GABRA3: variants seen among roughly 807,000 people sequenced by gnomAD.
GABRA3 encodes the protein gamma-aminobutyric acid receptor subunit alpha-3.
GABRA3 carries 10 observed loss-of-function variants against 30.1 expected under a neutral mutation model. The observed-to-expected ratio is 0.33, with a 90% CI of 0.20 to 0.56. The LOEUF (loss-of-function observed/expected upper bound fraction) is 0.56, where lower values mean the gene tolerates loss of function less well. GABRA3 is among the 20% of genes least tolerant of loss of function. The pLI, the probability that GABRA3 is intolerant of heterozygous loss-of-function variation, is 0.89. For missense variants in GABRA3, 233 were observed against 392.0 expected, an observed-to-expected ratio of 0.59 and a Z score of 3.42; for synonymous variants, 151 against 146.8, an observed-to-expected ratio of 1.03 and a Z score of -0.21.
intron 1 of GABRA3, among the ~76,000 whole-genome samples, chrX:152,427,157 T>C (rs759820534): frequency 1.5e-4 from 17 of 111,653 alleles, no homozygotes; most frequent in Non-Finnish European, 2.8e-4. Flanking sequence ...ATAGCTACTT[T>C]TGACTTCTTT....
intron 5 of GABRA3, among the ~76,000 whole-genome samples, chrX:152,250,892 G>A (rs1769459040): frequency 9.0e-6 from 1 of 110,989 alleles, no homozygotes; most frequent in Admixed American, 9.6e-5. Flanking sequence ...AACACTTTCT[G>A]AAAAATTCTA....
chrX:152,239,682 A>T lies in GABRA3; in HGVS notation c.552-14837T>A, dbSNP rs1233054242. ...GCTTTATGAATCTGGGTGCTCCTGT[A>T]TTGGGTGCATATATATTTAGGATAG... On this transcript the variant is annotated intron_variant, in intron 5 of 9. Coordinates refer to ENST00000370314, the MANE Select transcript of GABRA3 (RefSeq NM_000808.4). 8.5e-5 allele frequency among the ~76,000 whole-genome samples: 8 copies of T among 94,010 alleles called. No individual in the cohort carries two copies. The Admixed American group carries it at 9.5e-4, about 11-fold the overall frequency. The allele number at this position is 94,010 out of a possible 115,157, so 81.6% of individuals were successfully genotyped here. A position where few individuals can be genotyped will look rare whatever the true frequency, so the allele number is the denominator to read the frequency against.
intron 6 of GABRA3, among the ~76,000 whole-genome samples, chrX:152,210,997 AT>A (rs1010157797): frequency 9.0e-5 from 10 of 111,061 alleles, no homozygotes; most frequent in African/African-American, 3.0e-4. Context: ...TTGTGCTCTC[AT>A]TTTTCCCCAG....
chrX:152,325,483 C>T (rs1384592326), intron 3 of GABRA3, among the ~76,000 whole-genome samples: 2 of 111,468 alleles, frequency 1.8e-5, no homozygotes, highest in African/African-American at 6.5e-5. Flanking sequence ...GCCAGGTGCC[C>T]CTCTGAGACA....
chrX:152,309,624 T>G lies in GABRA3; in HGVS notation c.263-24889A>C, dbSNP rs182553290. On this transcript the variant is annotated intron_variant, in intron 3 of 9. Coordinates refer to ENST00000370314, the MANE Select transcript of GABRA3 (RefSeq NM_000808.4). Reference sequence around the variant, plus strand: ...GAATTCATTCCCACCAGACCTGCCTTACAAGAGGTCCTTAAAGGAGTGTTA... The same window carrying G: ...GAATTCATTCCCACCAGACCTGCCTGACAAGAGGTCCTTAAAGGAGTGTTA... Among the ~76,000 whole-genome samples the G allele has an allele frequency of 3.6e-5, 4 of 111,957 alleles. No individual in the cohort carries two copies. In the Admixed American group the frequency reaches 3.8e-4, roughly 11 times the overall value.
At chrX:152,369,210 C>T (rs1385429783) in intron 1 of GABRA3, among the ~76,000 whole-genome samples, 1 of 110,874 alleles carries the variant, frequency 9.0e-6, no homozygotes, top group Admixed American at 9.6e-5. Flanking sequence ...TATCATATAC[C>T]TATTGGCCCC....
intron 1 of GABRA3, among the ~76,000 whole-genome samples, chrX:152,381,645 C>T (rs1429948007): frequency 9.1e-6 from 1 of 109,852 alleles, no homozygotes; most frequent in East Asian, 2.8e-4. Flanking sequence ...GTTTGCTGCA[C>T]CCATCAAACT....
At chrX:152,402,105 A>C (rs922223730) in intron 1 of GABRA3, among the ~76,000 whole-genome samples, 2 of 112,362 alleles carry the variant, frequency 1.8e-5, no homozygotes, top group Non-Finnish European at 3.8e-5. Flanking sequence ...CAGGTAGAAG[A>C]AGCAAAGGCT....
chrX:152,386,533 AAC>A (rs1929317834), intron 1 of GABRA3, among the ~76,000 whole-genome samples: 1 of 110,084 alleles, frequency 9.1e-6, no homozygotes, highest in South Asian at 4.0e-4. Context: ...GCAGCCAAAA[AAC>A]ACATGAAAAA....
At chrX:152,417,293 A>G (rs1264435203) in intron 1 of GABRA3, among the ~76,000 whole-genome samples, 7 of 102,879 alleles carry the variant, frequency 6.8e-5, no homozygotes, top group African/African-American at 2.6e-4. Flanking sequence ...ATCACTGGCC[A>G]TCAGAGAAAT....
At chrX:152,363,333 A>G (rs1473087413) in intron 2 of GABRA3, among the ~76,000 whole-genome samples, 1 of 112,157 alleles carries the variant, frequency 8.9e-6, no homozygotes, top group Non-Finnish European at 1.9e-5. Context: ...GTATAATACT[A>G]TTCTCGGATC....
chrX:152,340,413 T>C (rs759677370), intron 3 of GABRA3, among the ~76,000 whole-genome samples: 1 of 112,592 alleles, frequency 8.9e-6, no homozygotes, highest in East Asian at 2.8e-4. Context: ...TATTTTACAT[T>C]TACCCACAGT....
At chrX:152,170,163 G>A (rs953790053) in intron 9 of GABRA3, among the ~76,000 whole-genome samples, 3 of 112,199 alleles carry the variant, frequency 2.7e-5, no homozygotes, top group Non-Finnish European at 3.8e-5. Context: ...ACTTCTCAAA[G>A]ATCTGGGCCA....
At chrX:152,208,225 G>C in intron 6 of GABRA3, 81 bp from the exon 7 acceptor site, 1 of 1,018,166 alleles carries the variant, frequency 9.8e-7, no homozygotes, top group Non-Finnish European at 1.4e-6. Context: ...AAATGAGATC[G>C]AAATAAAACT....
At chrX:152,179,104 T>C (rs1034675071) in intron 9 of GABRA3, among the ~76,000 whole-genome samples, 2 of 112,184 alleles carry the variant, frequency 1.8e-5, no homozygotes, top group African/African-American at 3.2e-5. Flanking sequence ...CTTTGCAAAT[T>C]TGCTTGCTGC....
intron 1 of GABRA3, among the ~76,000 whole-genome samples, chrX:152,387,289 A>C (rs1179894670): frequency 9.0e-6 from 1 of 111,274 alleles, no homozygotes; most frequent in African/African-American, 3.3e-5. Flanking sequence ...CTAAAACTTA[A>C]AGTATAATAA....
At chrX:152,212,742 A>G (rs1160263169) in intron 6 of GABRA3, among the ~76,000 whole-genome samples, 1 of 111,989 alleles carries the variant, frequency 8.9e-6, no homozygotes, top group Non-Finnish European at 1.9e-5. Flanking sequence ...AAGAAAGGAA[A>G]AAGGACATTT....
chrX:152,439,158 C>T (rs748085569), intron 1 of GABRA3, among the ~76,000 whole-genome samples: 1 of 110,092 alleles, frequency 9.1e-6, no homozygotes, highest in African/African-American at 3.3e-5. Flanking sequence ...GATGAAGTCT[C>T]ACTCTGTCAC....
At chrX:152,243,846 T>C (rs1938420762) in intron 5 of GABRA3, among the ~76,000 whole-genome samples, 1 of 112,248 alleles carries the variant, frequency 8.9e-6, no homozygotes, top group African/African-American at 3.2e-5. Flanking sequence ...AATTATGCTA[T>C]GCCATCTCAT....
Sources: gnomAD v4.1 joint callset for allele counts (sites outside exome capture counted in the v4.1 genomes callset) on GRCh38, gnomAD v4.1.1 for gene constraint, MANE v1.5 for transcripts, NCBI Gene and HGNC (gene_info 2026-07-23, HGNC 2026-07-21) for gene names.